Variants in CACNA1I observed in about 807,000 individuals in gnomAD.
The protein encoded by CACNA1I is voltage-dependent T-type calcium channel subunit alpha-1I.
Under a neutral mutation model 201.6 loss-of-function variants are expected in CACNA1I, and 74 were observed. That is an observed-to-expected ratio of 0.37 (90% CI 0.30 to 0.45). The LOEUF is 0.45. Among genes scored for constraint, CACNA1I ranks in the 20% least tolerant of loss-of-function variants. The pLI is 1.00. For missense variants in CACNA1I, 2,346 were observed against 3,138.1 expected (o/e 0.75, Z 6.03); for synonymous variants, 1,431 against 1,345.2 (o/e 1.06, Z -1.40).
At chr22:39,603,330 A>C (rs1933122441) in intron 3 of CACNA1I, among the ~76,000 whole-genome samples, 2 of 152,120 alleles carry the variant, frequency 1.3e-5, no homozygotes, top group African/African-American at 4.8e-5. Context: ...TTTTGCTTGT[A>C]ATATGAGAGA....
chr22:39,637,075 C>T (rs1024217175), intron 5 of CACNA1I, among the ~76,000 whole-genome samples: 1 of 152,246 alleles, frequency 6.6e-6, no homozygotes, highest in African/African-American at 2.4e-5. Flanking sequence ...TGTCATTCCA[C>T]AAACACTCAC....
At chr22:39,640,591 C>T (rs985778548) in intron 5 of CACNA1I, among the ~76,000 whole-genome samples, 9 of 152,168 alleles carry the variant, frequency 5.9e-5, no homozygotes, top group South Asian at 2.1e-4. Context: ...TCCAGACTCC[C>T]GAGGGAGTTG....
intron 31 of CACNA1I, 51 bp downstream of exon 31, chr22:39,678,159 G>T (rs762294921): frequency 1.0e-4 from 166 of 1,583,194 alleles, no homozygotes; most frequent in Non-Finnish European, 1.4e-4. Flanking sequence ...CTGGGACAGT[G>T]AGGATGCTGG....
At chr22:39,638,806 GGGA>G (rs1934285733) in intron 5 of CACNA1I, among the ~76,000 whole-genome samples, 2 of 152,204 alleles carry the variant, frequency 1.3e-5, no homozygotes, top group Admixed American at 6.5e-5. Context: ...CCAGAGCAAG[GGGA>G]TGGTTTTGGG....
intron 1 of CACNA1I, among the ~76,000 whole-genome samples, chr22:39,579,749 C>T (rs111326860): frequency 0.022 from 3,349 of 151,974 alleles, 50 homozygotes; most frequent in Non-Finnish European, 0.034. Context: ...CAGATTCAAG[C>T]GATTCTCCTG....
At position 39,685,856 on chromosome 22, in the gene CACNA1I, C is replaced by T. The variant is rs1259461275; in HGVS notation, c.6123C>T (p.Ser2041=). 2.7e-6 allele frequency: 4 copies of T among 1,475,882 alleles called. No homozygotes were observed. In the African/African-American group the frequency reaches 4.4e-5, roughly 16 times the overall value. 91.4% of individuals were successfully genotyped at this position (1,475,882 alleles called of 1,614,324 possible). A position where few individuals can be genotyped will look rare whatever the true frequency, so the allele number is the denominator to read the frequency against. The stretch of plus-strand genomic sequence containing the variant: ...AGGACAGCCTGACCCTGAGCGACAG[C>T]CCCCGGCGTGCCCTGGGGCCGCCCG... ...TLEDSLTLSD[S]PRRALGPPAP... is the part of the protein sequence containing the mutation. Residue 2041 remains serine (S), a synonymous_variant, in exon 37 of 37, where the codon AGC becomes AGT. Transcript: ENST00000402142. The surrounding 1 kb of genome is among the most constrained non-coding windows in gnomAD (Gnocchi z 5.0).
intron 10 of CACNA1I, among the ~76,000 whole-genome samples, chr22:39,654,525 G>T (rs1252484385): frequency 6.6e-6 from 1 of 152,210 alleles, no homozygotes; most frequent in African/African-American, 2.4e-5. Flanking sequence ...TGAATCAGTG[G>T]CTGGATCAAA....
At chr22:39,680,040 G>C (rs1266758925) in intron 33 of CACNA1I, among the ~76,000 whole-genome samples, 172 bp downstream of exon 33, 2 of 152,202 alleles carry the variant, frequency 1.3e-5, no homozygotes, top group Non-Finnish European at 2.9e-5. Context: ...TCAGGGCCAG[G>C]TGTGGGCCTG....
At chr22:39,635,340 G>T (rs985946546) in intron 5 of CACNA1I, among the ~76,000 whole-genome samples, 2 of 136,848 alleles carry the variant, frequency 1.5e-5, no homozygotes, top group Non-Finnish European at 3.0e-5. Context: ...TGCGGCAGAA[G>T]GGGGGGGGTC....
chr22:39,617,865 T>C (rs1933593121), intron 3 of CACNA1I, among the ~76,000 whole-genome samples: 1 of 132,220 alleles, frequency 7.6e-6, no homozygotes, highest in Non-Finnish European at 1.6e-5. Flanking sequence ...CTCTGCCAGC[T>C]CCCCCCTCCC....
intron 3 of CACNA1I, among the ~76,000 whole-genome samples, chr22:39,611,104 C>T (rs1266323202): frequency 3.9e-5 from 6 of 152,138 alleles, no homozygotes; most frequent in Non-Finnish European, 7.4e-5. Context: ...CAGGCCAGGC[C>T]TTGTTACTCC....
Position 39,600,542 on chromosome 22 carries a change from T to C in CACNA1I, c.371T>C (p.Ile124Thr), listed in dbSNP as rs1157149871. 6.2e-7 allele frequency: 1 copy of C among 1,612,376 alleles called. No homozygotes were observed. Among genetic ancestry groups the C allele is most frequent in the Non-Finnish European group, 8.5e-7 (1 of 1,179,312 alleles). ...ILQVFDDFIF[I>T]FFAMEMVLKM... ...CAGGTCTTTGATGACTTCATCTTTA[T>C]CTTCTTTGCCATGGAGATGGTGCTC... The change falls in exon 3 of 37, where the codon ATC becomes ACC. Residue 124 changes from isoleucine to threonine, a missense_variant. By Grantham distance (89) the Ile-to-Thr change is moderately conservative (BLOSUM62 -1). Around this residue, in one of 13 missense-constraint regions of CACNA1I, gnomAD observed 227 missense variants for 412.5 expected, o/e 0.55. Coordinates refer to ENST00000402142, the MANE Select transcript of CACNA1I (RefSeq NM_021096.4).
chr22:39,672,876 C>T, intron 27 of CACNA1I, 73 bp from the exon 28 acceptor site: 1 of 1,497,024 alleles, frequency 6.7e-7, no homozygotes, highest in Non-Finnish European at 9.0e-7. Context: ...GGAGGCTCCC[C>T]CCACTAAGGT....
intron 10 of CACNA1I, among the ~76,000 whole-genome samples, chr22:39,651,262 G>T (rs550502306): frequency 5.9e-5 from 9 of 152,184 alleles, no homozygotes; most frequent in African/African-American, 2.2e-4. Context: ...TCTGTTTGCT[G>T]CCCTGCGGCC....
chr22:39,658,636 C>T (rs886959934), intron 11 of CACNA1I, among the ~76,000 whole-genome samples: 6 of 152,196 alleles, frequency 3.9e-5, no homozygotes, highest in African/African-American at 1.4e-4. Flanking sequence ...CTGTGGCTTC[C>T]TGTTTACATT....
chr22:39,579,152 A>T (rs1372097561), intron 1 of CACNA1I, among the ~76,000 whole-genome samples: 4 of 152,240 alleles, frequency 2.6e-5, no homozygotes, highest in Non-Finnish European at 4.4e-5. Flanking sequence ...AATGCCCAGC[A>T]CAGGCCTGGC....
chr22:39,608,829 GAA>G, intron 3 of CACNA1I, among the ~76,000 whole-genome samples: 1 of 151,462 alleles, frequency 6.6e-6, no homozygotes, highest in East Asian at 1.9e-4. Flanking sequence ...CAAAAAAAAA[GAA>G]AAGAGAAAAA....
chr22:39,571,122 G>A (rs911740948), intron 1 of CACNA1I, 134 bp downstream of exon 1: 1 of 749,984 alleles, frequency 1.3e-6, no homozygotes, highest in Non-Finnish European at 2.3e-6. Context: ...GGCCTTGGTG[G>A]TGGTGAGCGA....
At chr22:39,679,671 G>A (rs886709644) in intron 32 of CACNA1I, 51 bp from the exon 33 acceptor site, 32 of 1,318,310 alleles carry the variant, frequency 2.4e-5, no homozygotes, top group Admixed American at 9.9e-5. Context: ...CCACAGCCCC[G>A]GGACCCGGCT....
Sources: allele counts gnomAD v4.1 joint callset (sites outside exome capture counted in the v4.1 genomes callset), GRCh38; gene constraint gnomAD v4.1.1; regional missense constraint gnomAD v4.1.1; non-coding constraint Gnocchi (gnomAD v3.1); transcripts MANE v1.5; gene names NCBI Gene and HGNC (gene_info 2026-07-23, HGNC 2026-07-21).